The following ST6GALNAC5 variants were observed in gnomAD, a reference collection of about 807,000 sequenced individuals.
The protein encoded by ST6GALNAC5 is ST6 N-acetylgalactosaminide alpha-2,6-sialyltransferase 5.
In ST6GALNAC5, 27 loss-of-function variants were observed where a neutral mutation model predicts 33.6. The ratio of observed to expected loss-of-function variants is 0.80; its 90% CI spans 0.59 to 1.11. The LOEUF (loss-of-function observed/expected upper bound fraction) is 1.11, where lower values mean the gene tolerates loss of function less well. Ranked by LOEUF, ST6GALNAC5 falls within the 50% of genes least tolerant of loss-of-function variation. The probability of loss-of-function intolerance (pLI) is 0.00; values close to 1 mark genes in which losing one functional copy is unlikely to be tolerated. For missense variants in ST6GALNAC5, 428 were observed against 454.0 expected (o/e 0.94, Z 0.52); for synonymous variants, 194 against 171.2 (o/e 1.13, Z -1.04).
intron 2 of ST6GALNAC5, among the ~76,000 whole-genome samples, chr1:76,956,110 C>T (rs1348786494): frequency 6.6e-6 from 1 of 152,104 alleles, no homozygotes. Flanking sequence ...GAAAATAAAA[C>T]TTATCTGTAA....
At chr1:77,038,128 CT>C (rs1375048247) in intron 2 of ST6GALNAC5, among the ~76,000 whole-genome samples, 3 of 152,212 alleles carry the variant, frequency 2.0e-5, no homozygotes, top group African/African-American at 7.2e-5. Flanking sequence ...GTACTGCCTT[CT>C]GCCCACGGAT....
chr1:76,997,312 G>A (rs1221851432), intron 2 of ST6GALNAC5, among the ~76,000 whole-genome samples: 1 of 152,162 alleles, frequency 6.6e-6, no homozygotes, highest in Non-Finnish European at 1.5e-5. Context: ...AGAGAAGACT[G>A]TTAGGAACAA....
At chr1:76,956,443 G>C (rs1262665505) in intron 2 of ST6GALNAC5, among the ~76,000 whole-genome samples, 1 of 152,154 alleles carries the variant, frequency 6.6e-6, no homozygotes, top group Non-Finnish European at 1.5e-5. Flanking sequence ...TTCAGGCCCA[G>C]TAAGACTGGC....
At chr1:76,912,697 T>G (rs1646927155) in intron 2 of ST6GALNAC5, among the ~76,000 whole-genome samples, 1 of 151,400 alleles carries the variant, frequency 6.6e-6, no homozygotes, top group Non-Finnish European at 1.5e-5. Flanking sequence ...TTTGTCTCTT[T>G]TGATCTTTGT....
intron 2 of ST6GALNAC5, among the ~76,000 whole-genome samples, chr1:76,984,391 A>G (rs1370413719): frequency 6.6e-6 from 1 of 152,242 alleles, no homozygotes; most frequent in Non-Finnish European, 1.5e-5. Flanking sequence ...AAACACCTCT[A>G]CAAAAATAAA....
intron 2 of ST6GALNAC5, among the ~76,000 whole-genome samples, chr1:76,921,928 A>G (rs1307040983): frequency 6.6e-6 from 1 of 152,180 alleles, no homozygotes; most frequent in Admixed American, 6.5e-5. Flanking sequence ...AAGACTGAAT[A>G]CTTTCCTTTA....
chr1:77,051,597 A>G (rs1570140337), intron 4 of ST6GALNAC5, among the ~76,000 whole-genome samples: 1 of 152,226 alleles, frequency 6.6e-6, no homozygotes, highest in Non-Finnish European at 1.5e-5. Context: ...AAGCTAATAC[A>G]TGTGAAATGC....
intron 2 of ST6GALNAC5, among the ~76,000 whole-genome samples, chr1:76,950,354 T>A (rs1335051444): frequency 6.6e-6 from 1 of 152,162 alleles, no homozygotes; most frequent in African/African-American, 2.4e-5. Context: ...GTATATAATA[T>A]GTGTATTATA....
chr1:76,986,077 C>T (rs532056808), intron 2 of ST6GALNAC5, among the ~76,000 whole-genome samples: 1 of 152,156 alleles, frequency 6.6e-6, no homozygotes, highest in Non-Finnish European at 1.5e-5. Context: ...TAGGCGATAC[C>T]TTTCAGGACA....
chr1:76,984,597 C>A (rs985489367), intron 2 of ST6GALNAC5, among the ~76,000 whole-genome samples: 1 of 152,186 alleles, frequency 6.6e-6, no homozygotes, highest in East Asian at 1.9e-4. Context: ...CAAAGAGGAG[C>A]TGTTACCATT....
intron 3 of ST6GALNAC5, among the ~76,000 whole-genome samples, chr1:77,046,395 A>G (rs987196212): frequency 6.6e-6 from 1 of 152,242 alleles, no homozygotes; most frequent in Non-Finnish European, 1.5e-5. Context: ...TGTGTGGAAG[A>G]GCTAGATAGC....
chr1:77,042,303 C>T (rs778549801), intron 2 of ST6GALNAC5, among the ~76,000 whole-genome samples: 6 of 152,176 alleles, frequency 3.9e-5, no homozygotes, highest in South Asian at 4.1e-4. Context: ...CCCCTTACTC[C>T]GACTTCAGCA....
chr1:77,013,373 G>C (rs763097328), intron 2 of ST6GALNAC5, among the ~76,000 whole-genome samples: 15 of 152,346 alleles, frequency 9.8e-5, no homozygotes, highest in Middle Eastern at 3.4e-3. Flanking sequence ...GTCAAGGAAA[G>C]GGGCTGATAC....
At chr1:77,016,658 C>T (rs60780169) in intron 2 of ST6GALNAC5, among the ~76,000 whole-genome samples, 11,320 of 152,184 alleles carry the variant, frequency 0.074, 628 homozygotes, top group African/African-American at 0.15. Context: ...AAACTGAACG[C>T]TGACTTGGCC....
At chr1:76,982,867 TAAAG>T in intron 2 of ST6GALNAC5, among the ~76,000 whole-genome samples, 3 of 151,380 alleles carry the variant, frequency 2.0e-5, no homozygotes, top group Admixed American at 2.0e-4. Context: ...TCAACATTCT[TAAAG>T]AGAAGAAATT....
At position 76,974,805 on chromosome 1, in the gene ST6GALNAC5, A is replaced by G. The variant is rs188480683; in HGVS notation, c.262-69399A>G. Among the ~76,000 whole-genome samples the G allele has an allele frequency of 7.4e-3, 193 of 26,164 alleles. 1 individual carries two copies. The highest frequency in any genetic ancestry group is 0.023 in the Middle Eastern group (1 of 44). The allele number at this position is 26,164 out of a possible 152,430, so 17.2% of individuals were successfully genotyped here. The stretch of plus-strand genomic sequence containing the variant: ...TTTTTTTTTTTTTTTTTTTTGAGGC[A>G]GAGTTTTGCTCTTGTTGCCTAAGCT... On this transcript the variant is annotated intron_variant, in intron 2 of 4. Coordinates refer to ENST00000477717, the MANE Select transcript of ST6GALNAC5 (RefSeq NM_030965.3).
intron 4 of ST6GALNAC5, among the ~76,000 whole-genome samples, chr1:77,058,721 G>A (rs894807774): frequency 2.6e-5 from 4 of 152,200 alleles, no homozygotes; most frequent in African/African-American, 7.2e-5. Context: ...GTGTTGTGAG[G>A]ACTAAATAAG....
intron 2 of ST6GALNAC5, among the ~76,000 whole-genome samples, chr1:76,984,040 C>T (rs973678451): frequency 1.3e-5 from 2 of 152,076 alleles, no homozygotes; most frequent in Non-Finnish European, 2.9e-5. Context: ...ATAGCACTAA[C>T]TGCCCACAAG....
chr1:77,067,417 G>C lies in ST6GALNAC5; in HGVS notation c.*4211G>C, dbSNP rs1652819007. Among the ~76,000 whole-genome samples, 1 of 152,136 alleles carries C rather than the reference G, an allele frequency of 6.6e-6. No homozygotes were observed. Among genetic ancestry groups the C allele is most frequent in the South Asian group, 2.1e-4 (1 of 4,826 alleles). ...GTCTTTTTATGCATGTGTCCTGTTAGTCTAATTAGATTGTAAGCTCCTTGA... is the reference window on the plus strand; with the variant it reads ...GTCTTTTTATGCATGTGTCCTGTTACTCTAATTAGATTGTAAGCTCCTTGA... On this transcript the variant is annotated 3_prime_UTR_variant, in exon 5 of 5. Transcript: ENST00000477717.
Sources: allele counts gnomAD v4.1 joint callset (sites outside exome capture counted in the v4.1 genomes callset), GRCh38; gene constraint gnomAD v4.1.1; transcripts MANE v1.5; gene names NCBI Gene and HGNC (gene_info 2026-07-23, HGNC 2026-07-21).